The following OSBPL10 variants were observed in gnomAD, a reference collection of about 807,000 sequenced individuals.
The protein encoded by OSBPL10 is oxysterol binding protein like 10.
Under a neutral mutation model 81.7 loss-of-function variants are expected in OSBPL10, and 49 were observed. The observed-to-expected ratio is 0.60, with a 90% CI of 0.48 to 0.76. The LOEUF (loss-of-function observed/expected upper bound fraction) is 0.76, where lower values mean the gene tolerates loss of function less well. Among genes scored for constraint, OSBPL10 ranks in the 30% least tolerant of loss-of-function variants. OSBPL10 has a pLI of 0.00. For missense variants in OSBPL10, 923 were observed against 987.8 expected (o/e 0.93, Z 0.88); for synonymous variants, 419 against 383.6 (o/e 1.09, Z -1.08).
intron 4 of OSBPL10, among the ~76,000 whole-genome samples, chr3:31,784,822 A>T (rs1698820363): frequency 7.8e-6 from 1 of 128,172 alleles, no homozygotes; most frequent in South Asian, 2.5e-4. Flanking sequence ...GCCCCAAGTG[A>T]TTCGCCCATC....
At chr3:32,018,590 C>T (rs1185322166) in intron 2 of OSBPL10, among the ~76,000 whole-genome samples, 1 of 152,126 alleles carries the variant, frequency 6.6e-6, no homozygotes, top group Non-Finnish European at 1.5e-5. Flanking sequence ...CCTGTAGTTC[C>T]AGCTACTCGG....
Position 31,683,783 on chromosome 3 carries a change from A to T in OSBPL10, c.1577T>A (p.Leu526Gln). The T allele has an allele frequency of 6.2e-7, 1 of 1,614,154 alleles. No homozygotes were observed. The highest frequency in any genetic ancestry group is 8.5e-7 in the Non-Finnish European group (1 of 1,180,030). The stretch of plus-strand genomic sequence containing the variant: ...GGACACTTGCTCAGCCACAAACCTT[A>T]GTTTGTAGCTTTTGGAAGGGTCATC... ...MADDPSKSYK[L>Q]RFVAEQVSHH... Residue 526 changes from leucine (L) to glutamine (Q), a missense_variant, in exon 8 of 12, where the codon CTA becomes CAA. Physicochemically the swap from Leu to Gln is moderately radical, Grantham distance 113. This residue lies in a region of OSBPL10 where 387 missense variants were observed against 436.3 expected (regional missense o/e 0.89). Coordinates refer to ENST00000396556, the MANE Select transcript of OSBPL10 (RefSeq NM_017784.5).
intron 8 of OSBPL10, among the ~76,000 whole-genome samples, chr3:31,679,904 C>A (rs1700592643): frequency 6.6e-6 from 1 of 152,192 alleles, no homozygotes; most frequent in African/African-American, 2.4e-5. Flanking sequence ...AAACCTCCCA[C>A]AGGGGAGTCC....
At chr3:32,037,759 G>T in intron 2 of OSBPL10, 1 of 155,704 alleles carries the variant, frequency 6.4e-6, no homozygotes, top group Non-Finnish European at 1.4e-5. Flanking sequence ...CAGCCTGAGG[G>T]GGGAAATCTG....
In OSBPL10 at chr3:31,815,290, T is replaced by C. The variant is rs529495851; in HGVS notation, c.729+14750A>G. On this transcript the variant is annotated intron_variant, in intron 4 of 11. Coordinates refer to ENST00000396556, the MANE Select transcript of OSBPL10 (RefSeq NM_017784.5). Reference sequence around the variant, plus strand: ...ACCCAGGAGCAGAGACAAGTGGTCCTGCCACACCCAGACCAAACTGCTGAT... The same window carrying C: ...ACCCAGGAGCAGAGACAAGTGGTCCCGCCACACCCAGACCAAACTGCTGAT... Among the ~76,000 whole-genome samples the C allele has an allele frequency of 5.9e-5, 9 of 152,308 alleles. No homozygotes were observed. In the South Asian group the frequency reaches 1.0e-3, roughly 18 times the overall value.
chr3:31,795,213 C>T (rs1304296052), intron 4 of OSBPL10: 1 of 129,262 alleles, frequency 7.7e-6, no homozygotes, highest in Non-Finnish European at 1.5e-5. Flanking sequence ...GGCACCATTT[C>T]AGCTCACTGC....
chr3:31,674,942 G>C (rs1421816475), intron 8 of OSBPL10, among the ~76,000 whole-genome samples: 2 of 152,204 alleles, frequency 1.3e-5, no homozygotes, highest in African/African-American at 4.8e-5. Flanking sequence ...GATAGGCTGG[G>C]CTAAGCGAGG....
intron 2 of OSBPL10, among the ~76,000 whole-genome samples, chr3:32,036,166 G>A (rs138040740): frequency 7.9e-4 from 121 of 152,228 alleles, no homozygotes; most frequent in South Asian, 4.2e-3. Flanking sequence ...TCTTGCCTTC[G>A]CCTCCTGAGT....
At chr3:31,662,476 GT>G in intron 11 of OSBPL10, 1 of 1,031,126 alleles carries the variant, frequency 9.7e-7, no homozygotes, top group South Asian at 3.9e-5. Context: ...AGGCAAGGGT[GT>G]GCATACCAGT....
At chr3:31,723,567 C>A (rs1559434287) in intron 6 of OSBPL10, among the ~76,000 whole-genome samples, 1 of 151,906 alleles carries the variant, frequency 6.6e-6, no homozygotes, top group East Asian at 1.9e-4. Flanking sequence ...CACACACACA[C>A]ACACCCCTTT....
rs578048207 is a variant in OSBPL10, at chr3:31,887,595, C to T, written c.282-7765G>A. ...ACCTAGAGGGTAGAAAGAAAAGAAA[C>T]TTTCTTCCTTCCCTATAGTAGTCTT... On this transcript the variant is annotated intron_variant, in intron 1 of 11. Coordinates refer to ENST00000396556, the MANE Select transcript of OSBPL10 (RefSeq NM_017784.5). 3.7e-3 allele frequency among the ~76,000 whole-genome samples: 570 copies of T among 152,244 alleles called. 5 individuals carry two copies. Among genetic ancestry groups the T allele is most frequent in the African/African-American group, 0.013 (539 of 41,558 alleles).
intron 2 of OSBPL10, among the ~76,000 whole-genome samples, chr3:32,005,604 T>G (rs553241141): frequency 6.6e-6 from 1 of 152,322 alleles, no homozygotes; most frequent in Admixed American, 6.5e-5. Context: ...TTGCTTTTTC[T>G]CTGAGATGGA....
intron 2 of OSBPL10, chr3:31,990,320 C>A: frequency 6.2e-7 from 1 of 1,613,976 alleles, no homozygotes; most frequent in Middle Eastern, 1.7e-4. Flanking sequence ...ACAACCATTG[C>A]AAATCATTGG....
intron 6 of OSBPL10, among the ~76,000 whole-genome samples, chr3:31,730,078 C>T (rs1696923891): frequency 6.6e-6 from 1 of 152,142 alleles, no homozygotes; most frequent in Admixed American, 6.5e-5. Flanking sequence ...CACGGTGGCT[C>T]ACGCCTGTAA....
intron 4 of OSBPL10, among the ~76,000 whole-genome samples, chr3:31,751,653 C>T (rs1253551244): frequency 6.6e-6 from 1 of 152,168 alleles, no homozygotes; most frequent in Non-Finnish European, 1.5e-5. Context: ...CATCAGTAAC[C>T]AGGCACCTCA....
At chr3:31,973,073 C>G (rs1404753088) in intron 1 of OSBPL10, among the ~76,000 whole-genome samples, 1 of 152,156 alleles carries the variant, frequency 6.6e-6, no homozygotes, top group Non-Finnish European at 1.5e-5. Flanking sequence ...CTGTCTTGGC[C>G]TGGCCCCAAA....
At chr3:31,875,683 T>C (rs958674034) in intron 3 of OSBPL10, among the ~76,000 whole-genome samples, 2 of 152,028 alleles carry the variant, frequency 1.3e-5, no homozygotes, top group Non-Finnish European at 2.9e-5. Flanking sequence ...TTTTAGCAGA[T>C]GGAATCATCA....
At position 32,066,745 on chromosome 3, in the gene OSBPL10, T is replaced by G. The variant is rs961907348; in HGVS notation, n.185+10651A>C. 4 of 152,336 alleles carry G rather than the reference T, an allele frequency of 2.6e-5. No homozygotes were observed. In the East Asian group the frequency reaches 7.7e-4, roughly 29 times the overall value. 9.4% of individuals were successfully genotyped at this position (152,336 alleles called of 1,614,324 possible). On this transcript the variant is annotated intron_variant and non_coding_transcript_variant, in intron 1 of 3. Coordinates refer to the OSBPL10 transcript ENST00000479173. Reference sequence around the variant, plus strand: ...ATTCTGGACAGTTGTATTGTTATCTTTATCCAATCCTAATAACGTCACCCA... The same window carrying G: ...ATTCTGGACAGTTGTATTGTTATCTGTATCCAATCCTAATAACGTCACCCA...
chr3:31,929,904 CAAG>C (rs1697188750), intron 1 of OSBPL10, among the ~76,000 whole-genome samples: 2 of 146,738 alleles, frequency 1.4e-5, no homozygotes. Context: ...GACAGTGAAG[CAAG>C]AAGATGGCTT....
Sources: gnomAD v4.1 joint callset for allele counts (sites outside exome capture counted in the v4.1 genomes callset) on GRCh38, gnomAD v4.1.1 for gene constraint, gnomAD v4.1.1 regional missense constraint, MANE v1.5 for transcripts, NCBI Gene and HGNC (gene_info 2026-07-23, HGNC 2026-07-21) for gene names.